The following CD2AP variants were observed in gnomAD, a reference collection of about 807,000 sequenced individuals.
The protein encoded by CD2AP is CD2 associated protein.
CD2AP carries 46 observed loss-of-function variants against 85.1 expected under a neutral mutation model. That is an observed-to-expected ratio of 0.54 (90% CI 0.43 to 0.69). The LOEUF (loss-of-function observed/expected upper bound fraction) is 0.69. Ranked by LOEUF, CD2AP falls within the 30% of genes least tolerant of loss-of-function variation. CD2AP has a pLI of 0.00. For missense variants in CD2AP, 769 were observed against 729.5 expected, an observed-to-expected ratio of 1.05 and a Z score of -0.62; for synonymous variants, 255 against 252.9, an observed-to-expected ratio of 1.01 and a Z score of -0.08.
chr6:47,615,177 TA>T (rs1288919827), intron 17 of CD2AP, among the ~76,000 whole-genome samples: 1 of 152,186 alleles, frequency 6.6e-6, no homozygotes, highest in Admixed American at 6.5e-5. Context: ...CCTTGGCTCT[TA>T]TCCTGAGAAT....
chr6:47,496,679 T>C (rs1436099685), intron 1 of CD2AP, among the ~76,000 whole-genome samples: 1 of 152,196 alleles, frequency 6.6e-6, no homozygotes, highest in Non-Finnish European at 1.5e-5. Context: ...ACAAACACTA[T>C]TTCCTTGCCT....
At position 47,596,038 on chromosome 6, in the gene CD2AP, C is replaced by T. The variant is rs1768934700; in HGVS notation, c.1274+12C>T. The T allele has an allele frequency of 6.2e-7, 1 of 1,604,100 alleles. No individual in the cohort carries two copies. The highest frequency in any genetic ancestry group is 1.7e-5 in the Admixed American group (1 of 59,860). On this transcript the variant is annotated intron_variant, in intron 12 of 17. Transcript: ENST00000359314. ...CCTCCTATAGCCAAGTAAGTTTTAC[C>T]TAATTTTAAATTAGCTTACTGATTT...
At chr6:47,586,447 A>G (rs1342261736) in intron 11 of CD2AP, among the ~76,000 whole-genome samples, 1 of 152,174 alleles carries the variant, frequency 6.6e-6, no homozygotes, top group Non-Finnish European at 1.5e-5. Flanking sequence ...TGGGGTACCT[A>G]ATGGAAAGGT....
intron 1 of CD2AP, among the ~76,000 whole-genome samples, chr6:47,483,606 G>A (rs1166140295): frequency 6.6e-6 from 1 of 152,156 alleles, no homozygotes; most frequent in African/African-American, 2.4e-5. Flanking sequence ...GAGCCCCTAA[G>A]CTTATGTATT....
At chr6:47,531,529 T>G (rs866096252) in intron 2 of CD2AP, among the ~76,000 whole-genome samples, 12 of 150,564 alleles carry the variant, frequency 8.0e-5, no homozygotes, top group African/African-American at 2.7e-4. Context: ...ATGAATCCAC[T>G]GAGCCAGTGC....
intron 1 of CD2AP, among the ~76,000 whole-genome samples, chr6:47,492,854 G>A (rs1765768866): frequency 6.6e-6 from 1 of 151,682 alleles, no homozygotes; most frequent in African/African-American, 2.4e-5. Context: ...TGTTTTATAT[G>A]ATTCCATTTT....
chr6:47,611,373 A>G (rs189968643), intron 16 of CD2AP, among the ~76,000 whole-genome samples: 57 of 97,102 alleles, frequency 5.9e-4, no homozygotes, highest in Admixed American at 8.2e-4. Flanking sequence ...AACTTTTTCT[A>G]TGGAAGAGGG....
chr6:47,584,963 C>T (rs1452671978), intron 11 of CD2AP, among the ~76,000 whole-genome samples: 1 of 151,980 alleles, frequency 6.6e-6, no homozygotes, highest in East Asian at 1.9e-4. Context: ...CAGATAGTGA[C>T]TTCCCCTTTT....
At chr6:47,600,621 T>C (rs1259901322) in intron 13 of CD2AP, among the ~76,000 whole-genome samples, 1 of 151,976 alleles carries the variant, frequency 6.6e-6, no homozygotes, top group Non-Finnish European at 1.5e-5. Context: ...GATTGTATTT[T>C]AGAGAAACTC....
chr6:47,598,067 A>G (rs1048103299), intron 12 of CD2AP, among the ~76,000 whole-genome samples: 4 of 150,928 alleles, frequency 2.7e-5, no homozygotes, highest in Middle Eastern at 3.2e-3. Context: ...GAAAGAAACA[A>G]TCCCATCAGA....
chr6:47,616,294 A>G (rs1769585304), intron 17 of CD2AP, among the ~76,000 whole-genome samples: 1 of 148,740 alleles, frequency 6.7e-6, no homozygotes, highest in Admixed American at 6.7e-5. Flanking sequence ...GGGTTTTGCC[A>G]TGTTGGCCAG....
At chr6:47,570,805 G>A (rs768921584) in intron 5 of CD2AP, among the ~76,000 whole-genome samples, 1 of 152,064 alleles carries the variant, frequency 6.6e-6, no homozygotes, top group African/African-American at 2.4e-5. Context: ...AAGAAAATTC[G>A]ACCCTAGAGT....
intron 11 of CD2AP, among the ~76,000 whole-genome samples, chr6:47,588,890 A>G (rs1422368101): frequency 6.6e-6 from 1 of 152,100 alleles, no homozygotes; most frequent in African/African-American, 2.4e-5. Context: ...TTTTGAGCAC[A>G]TTTACCTCTA....
chr6:47,610,794 T>A (rs1769407195), intron 16 of CD2AP, among the ~76,000 whole-genome samples: 1 of 151,448 alleles, frequency 6.6e-6, no homozygotes, highest in African/African-American at 2.4e-5. Flanking sequence ...ACTTGTCCAG[T>A]AAATATTTAT....
chr6:47,564,024 G>A (rs1294166642), intron 5 of CD2AP, among the ~76,000 whole-genome samples: 1 of 152,170 alleles, frequency 6.6e-6, no homozygotes, highest in East Asian at 1.9e-4. Flanking sequence ...GTAGGAATCA[G>A]TGGAGAAGGA....
In CD2AP at chr6:47,561,051, G is replaced by A. The variant is rs190621588; in HGVS notation, c.541+6285G>A. ...TTCATCAGGTATCAGTCTATTACCAGTATTATTTATTTTGATAACTGTATG... is the reference window on the plus strand; with the variant it reads ...TTCATCAGGTATCAGTCTATTACCAATATTATTTATTTTGATAACTGTATG... On this transcript the variant is annotated intron_variant, in intron 5 of 17. Coordinates refer to ENST00000359314, the MANE Select transcript of CD2AP (RefSeq NM_012120.3). Among the ~76,000 whole-genome samples the A allele has an allele frequency of 6.7e-3, 1,022 of 152,212 alleles. 14 individuals carry two copies. Among genetic ancestry groups the A allele is most frequent in the African/African-American group, 0.021 (861 of 41,536 alleles).
In CD2AP at chr6:47,579,326, CTT is replaced by C; in HGVS notation, c.904-57_904-56del. On this transcript the variant is annotated intron_variant, in intron 8 of 17. Coordinates refer to ENST00000359314, the MANE Select transcript of CD2AP (RefSeq NM_012120.3). Reference sequence around the variant, plus strand: ...CTTCAGCCTGGCCAACAGAGCAACACTTTATCTTAAAAAAAAAAAAAAGGTCT... The same window carrying C: ...CTTCAGCCTGGCCAACAGAGCAACACTATCTTAAAAAAAAAAAAAAGGTCT... The C allele has an allele frequency of 4.3e-6, 4 of 930,958 alleles. No homozygotes were observed. In the South Asian group the frequency reaches 5.6e-5, roughly 13 times the overall value. The allele number at this position is 930,958 out of a possible 1,614,324, so 57.7% of individuals were successfully genotyped here.
intron 1 of CD2AP, among the ~76,000 whole-genome samples, chr6:47,480,527 T>C (rs969256956): frequency 1.3e-5 from 2 of 152,176 alleles, no homozygotes; most frequent in Non-Finnish European, 2.9e-5. Flanking sequence ...GAGGTCAAAT[T>C]CTCTTCTACC....
rs779061496 is a variant in CD2AP, at chr6:47,503,353, C to T, written c.78C>T (p.Ile26=). The T allele has an allele frequency of 3.7e-6, 6 of 1,613,442 alleles. No individual in the cohort carries two copies. The Admixed American group carries it at 8.3e-5, about 22-fold the overall frequency. The change falls in exon 2 of 18, where the codon ATC becomes ATT. Residue 26 remains isoleucine, a synonymous_variant. Transcript: ENST00000359314. ...TAACTATTCGAGTTGGAGAAATCAT[C>T]AGGAATGTGAAAAAGCTACAGGAGG... is the stretch of plus-strand genomic sequence containing the variant. ...DELTIRVGEI[I]RNVKKLQEEG... is the part of the protein sequence containing the mutation.
Sources: allele counts gnomAD v4.1 joint callset (sites outside exome capture counted in the v4.1 genomes callset), GRCh38; gene constraint gnomAD v4.1.1; transcripts MANE v1.5; gene names NCBI Gene and HGNC (gene_info 2026-07-23, HGNC 2026-07-21).